ANK2: variants seen among roughly 807,000 people sequenced by gnomAD.
The protein encoded by ANK2 is ankyrin 2, also known as ankyrin-2.
ANK2 carries 83 observed loss-of-function variants against 360.5 expected under a neutral mutation model. That is an observed-to-expected ratio of 0.23 (90% confidence interval 0.19 to 0.28). The LOEUF is 0.28. ANK2 is among the 10% of genes least tolerant of loss of function. The pLI is 1.00. For synonymous variants in ANK2, 1,740 were observed against 1,759.5 expected (o/e 0.99, Z 0.28); for missense variants, 4,201 against 4,795.7 (o/e 0.88, Z 3.66).
At chr4:113,317,225 TAG>T (rs1185949282) in intron 24 of ANK2, among the ~76,000 whole-genome samples, 2 of 152,190 alleles carry the variant, frequency 1.3e-5, no homozygotes, top group Non-Finnish European at 2.9e-5. Flanking sequence ...GAAAGAGGCA[TAG>T]AGAGAGAATG....
At position 113,356,196 on chromosome 4, in the gene ANK2, G is replaced by T. The variant is rs74930244; in HGVS notation, c.7578G>T (p.Ser2526=). The T allele has an allele frequency of 6.2e-7, 1 of 1,613,834 alleles. No homozygotes were observed. The highest frequency in any genetic ancestry group is 8.5e-7 in the Non-Finnish European group (1 of 1,179,950). The part of the protein sequence containing the change: ...SAEDDSLEQT[S]LMESSGKSPL... Reference sequence around the variant, plus strand: ...AGGATGACAGTCTTGAGCAGACATCGCTCATGGAGAGCTCAGGGAAGAGCC... The same window carrying T: ...AGGATGACAGTCTTGAGCAGACATCTCTCATGGAGAGCTCAGGGAAGAGCC... The change falls in exon 38 of 46, where the codon TCG becomes TCT. Residue 2526 remains serine, a synonymous_variant. Transcript: ENST00000357077.
chr4:113,253,087 T>C (rs1049473172), intron 10 of ANK2, among the ~76,000 whole-genome samples: 1 of 152,208 alleles, frequency 6.6e-6, no homozygotes, highest in Non-Finnish European at 1.5e-5. Context: ...TATCTATCCA[T>C]ATCTATCCAG....
intron 1 of ANK2, among the ~76,000 whole-genome samples, chr4:112,865,024 T>A (rs1172694664): frequency 5.7e-5 from 5 of 87,414 alleles, no homozygotes; most frequent in South Asian, 4.8e-4. Flanking sequence ...AGAGCGAGAC[T>A]CCATCTCAAA....
chr4:112,737,617 G>C, the ANK2 span, among the ~76,000 whole-genome samples: 1 of 152,154 alleles, frequency 6.6e-6, no homozygotes, highest in Non-Finnish European at 1.5e-5. Context: ...CACATGACTG[G>C]TACATTGGTG....
chr4:112,866,831 G>A (rs1218031594), intron 1 of ANK2, among the ~76,000 whole-genome samples: 1 of 151,892 alleles, frequency 6.6e-6, no homozygotes, highest in Non-Finnish European at 1.5e-5. Flanking sequence ...ATTCCGCATT[G>A]TCTACTGATA....
upstream of ANK2, among the ~76,000 whole-genome samples, chr4:112,817,209 T>A (rs950033317): frequency 2.0e-5 from 3 of 152,212 alleles, no homozygotes; most frequent in African/African-American, 7.2e-5. Context: ...ACCTGATTTT[T>A]TTTACCAGCC....
intron 33 of ANK2, among the ~76,000 whole-genome samples, chr4:113,342,756 TG>T (rs1301315608): frequency 6.6e-6 from 1 of 152,170 alleles, no homozygotes; most frequent in Non-Finnish European, 1.5e-5. Flanking sequence ...AAATGTATTT[TG>T]GGGTTGTGGA....
At chr4:113,345,062 T>G (rs2094687082) in intron 34 of ANK2, among the ~76,000 whole-genome samples, 1 of 152,180 alleles carries the variant, frequency 6.6e-6, no homozygotes, top group South Asian at 2.1e-4. Flanking sequence ...TTTAATCATT[T>G]TTATGATTAA....
At chr4:113,303,971 G>A (rs1340243296) in intron 23 of ANK2, among the ~76,000 whole-genome samples, 1 of 152,128 alleles carries the variant, frequency 6.6e-6, no homozygotes, top group Non-Finnish European at 1.5e-5. Context: ...CCAACTTGTT[G>A]AATCACCTAT....
intron 1 of ANK2, among the ~76,000 whole-genome samples, chr4:113,171,965 C>T (rs2097977205): frequency 6.6e-6 from 1 of 152,140 alleles, no homozygotes; most frequent in Non-Finnish European, 1.5e-5. Flanking sequence ...CTTCTGGCTC[C>T]ACCTGTTCAC....
At position 113,356,723 on chromosome 4, in the gene ANK2, A is replaced by C. The variant is rs748404965; in HGVS notation, c.8105A>C (p.Asn2702Thr). Residue 2702 changes from asparagine to threonine, a missense_variant, in exon 38 of 46, where the codon AAT (asparagine) becomes ACT (threonine). Physicochemically the swap from Asn to Thr is moderately conservative, Grantham distance 65. This residue lies in a region of ANK2 where 2,642 missense variants were observed against 2,714.5 expected (regional missense o/e 0.97). Transcript: ENST00000357077. The stretch of plus-strand genomic sequence containing the variant: ...CCACTTCCATCAAGCATGGACTCCA[A>C]TTCCAGTCCAGAAGAAGTACAATTC... ...PSPLPSSMDS[N>T]SSPEEVQFQP... The C allele has an allele frequency of 6.2e-7, 1 of 1,614,012 alleles. No homozygotes were observed. The highest frequency in any genetic ancestry group is 8.5e-7 in the Non-Finnish European group (1 of 1,179,988).
At chr4:113,069,261 C>G (rs1185450278) in intron 1 of ANK2, among the ~76,000 whole-genome samples, 3 of 152,086 alleles carry the variant, frequency 2.0e-5, no homozygotes, top group African/African-American at 7.2e-5. Context: ...CATTTATGCC[C>G]TAATTAGTGA....
chr4:113,194,459 G>A (rs558557205), intron 2 of ANK2, among the ~76,000 whole-genome samples: 5 of 152,256 alleles, frequency 3.3e-5, no homozygotes, highest in South Asian at 2.1e-4. Flanking sequence ...ATCAGCAAGA[G>A]AAGTAGTGAA....
At chr4:112,874,503 G>T (rs1268882744) in intron 1 of ANK2, among the ~76,000 whole-genome samples, 1 of 151,456 alleles carries the variant, frequency 6.6e-6, no homozygotes, top group Non-Finnish European at 1.5e-5. Flanking sequence ...TTAGCTGGGT[G>T]TGCTGGCAGG....
At chr4:112,749,585 A>G in the ANK2 span, among the ~76,000 whole-genome samples, 1 of 152,144 alleles carries the variant, frequency 6.6e-6, no homozygotes, top group Non-Finnish European at 1.5e-5. Context: ...TCTCCTACTG[A>G]ATAGTTACTG....
chr4:113,074,548 A>G (rs313965), intron 1 of ANK2, among the ~76,000 whole-genome samples: 2,878 of 152,366 alleles, frequency 0.019, 84 homozygotes, highest in African/African-American at 0.066. Context: ...CTGTTTTAAA[A>G]TCATTTATCT....
At chr4:113,335,317 G>T (rs2093365219) in intron 29 of ANK2, among the ~76,000 whole-genome samples, 1 of 152,112 alleles carries the variant, frequency 6.6e-6, no homozygotes, top group South Asian at 2.1e-4. Context: ...TTCCACTGGA[G>T]TAAACTCATA....
At chr4:113,345,876 G>A (rs2094790416) in intron 34 of ANK2, 24 bp from the exon 35 acceptor site, 3 of 1,612,854 alleles carry the variant, frequency 1.9e-6, no homozygotes, top group African/African-American at 1.3e-5. Flanking sequence ...TGTGGGTGAA[G>A]CATGTATGTC....
At chr4:112,996,029 C>T (rs2048382159) in intron 2 of ANK2, among the ~76,000 whole-genome samples, 1 of 152,196 alleles carries the variant, frequency 6.6e-6, no homozygotes, top group South Asian at 2.1e-4. Flanking sequence ...TATGCAGATA[C>T]TTATAGCAAC....
Sources: gnomAD v4.1 joint callset for allele counts (sites outside exome capture counted in the v4.1 genomes callset) on GRCh38, gnomAD v4.1.1 for gene constraint, gnomAD v4.1.1 regional missense constraint, MANE v1.5 for transcripts, NCBI Gene and HGNC (gene_info 2026-07-23, HGNC 2026-07-21) for gene names.